Variants in KIRREL3 observed in about 807,000 individuals in gnomAD.
KIRREL3 encodes the protein kirre like nephrin family adhesion molecule 3, also known as kin of IRRE-like protein 3.
In KIRREL3, 36 loss-of-function variants were observed where a neutral mutation model predicts 89.7. That is an observed-to-expected ratio of 0.40 (90% CI 0.31 to 0.53). KIRREL3 has a LOEUF of 0.53. Ranked by LOEUF, KIRREL3 falls within the 20% of genes least tolerant of loss-of-function variation. The pLI is 0.49. For missense variants in KIRREL3, 864 were observed against 1,056.6 expected (o/e 0.82, Z 2.53); for synonymous variants, 445 against 441.4 (o/e 1.01, Z -0.10).
intron 4 of KIRREL3, among the ~76,000 whole-genome samples, chr11:126,494,056 T>A (rs933129460): frequency 2.0e-5 from 3 of 152,160 alleles, no homozygotes; most frequent in Non-Finnish European, 4.4e-5. Flanking sequence ...TCAGAATGAA[T>A]GTAAAAATAT....
rs1170433385 is a variant in KIRREL3, at chr11:126,883,904, G to C, written c.55+116551C>G. Among the ~76,000 whole-genome samples the C allele has an allele frequency of 6.6e-6, 1 of 152,182 alleles. No individual in the cohort carries two copies. Among genetic ancestry groups the C allele is most frequent in the African/African-American group, 2.4e-5 (1 of 41,448 alleles). On this transcript the variant is annotated intron_variant, in intron 1 of 16. Coordinates refer to ENST00000525144, the MANE Select transcript of KIRREL3 (RefSeq NM_032531.4). The surrounding 1 kb of genome is among the most constrained non-coding windows in gnomAD (Gnocchi z 4.1). Reference sequence around the variant, plus strand: ...GACATAGGTTTTGAATCGATACAAAGAACTTTCTGATCACTGGAGCAGTTC... The same window carrying C: ...GACATAGGTTTTGAATCGATACAAACAACTTTCTGATCACTGGAGCAGTTC...
At chr11:126,661,090 A>G (rs2135014131) in intron 1 of KIRREL3, among the ~76,000 whole-genome samples, 1 of 152,346 alleles carries the variant, frequency 6.6e-6, no homozygotes, top group East Asian at 1.9e-4. Flanking sequence ...TAGATCTTAA[A>G]ACCAAAACAT....
intron 1 of KIRREL3, among the ~76,000 whole-genome samples, chr11:126,963,970 G>A (rs550224819): frequency 7.9e-4 from 120 of 152,218 alleles, no homozygotes; most frequent in African/African-American, 2.8e-3. Context: ...GCGAGGGGAG[G>A]TACAGAAAAA....
At position 126,999,653 on chromosome 11, in the gene KIRREL3, T is replaced by C. The variant is rs1161949296; in HGVS notation, c.55+802A>G. Among the ~76,000 whole-genome samples the C allele has an allele frequency of 6.6e-6, 1 of 152,152 alleles. No homozygotes were observed. The highest frequency in any genetic ancestry group is 2.4e-5 in the African/African-American group (1 of 41,444). On this transcript the variant is annotated intron_variant, in intron 1 of 16. Transcript: ENST00000525144. The surrounding 1 kb of genome is among the most constrained non-coding windows in gnomAD (Gnocchi z 5.7). ...TTGATGCCTTTGGCCAACTAGGCAC[T>C]CACATTCCCTCTCCCGAATTTCCCT...
rs1170915293 is a variant in KIRREL3, at chr11:126,484,221, T to C, written c.434-10755A>G. ...TGGTCCTCACCACATCTCTATTGCA[T>C]TGACTTGTGGACCTGTTTCAGGTTC... On this transcript the variant is annotated intron_variant, in intron 4 of 16. Transcript: ENST00000525144. The surrounding 1 kb of genome is among the most constrained non-coding windows in gnomAD (Gnocchi z 5.2). Among the ~76,000 whole-genome samples the C allele has an allele frequency of 1.3e-5, 2 of 152,176 alleles. No individual in the cohort carries two copies. Among genetic ancestry groups the C allele is most frequent in the African/African-American group, 4.8e-5 (2 of 41,434 alleles).
rs1937731301 is a variant in KIRREL3 at position 126,535,004 on chromosome 11, G to A, written c.134-8317C>T. Among the ~76,000 whole-genome samples, 1 of 152,168 alleles carries A rather than the reference G, an allele frequency of 6.6e-6. No homozygotes were observed. The highest frequency in any genetic ancestry group is 2.1e-4 in the South Asian group (1 of 4,830). On this transcript the variant is annotated intron_variant, in intron 2 of 16. Coordinates refer to ENST00000525144, the MANE Select transcript of KIRREL3 (RefSeq NM_032531.4). This position sits in a 1 kb window ranked among gnomAD's most constrained non-coding sequence, Gnocchi z 4.5. ...GTGAGTGGCTGGTGGGAGGAAGTGT[G>A]GAGGTGGCAGCAGCAGTGACAGGTG...
chr11:126,987,916 C>A lies in KIRREL3; in HGVS notation c.55+12539G>T, dbSNP rs1316624102. 1.3e-5 allele frequency among the ~76,000 whole-genome samples: 2 copies of A among 152,178 alleles called. No individual in the cohort carries two copies. The highest frequency in any genetic ancestry group is 2.9e-5 in the Non-Finnish European group (2 of 68,030). On this transcript the variant is annotated intron_variant, in intron 1 of 16. Coordinates refer to ENST00000525144, the MANE Select transcript of KIRREL3 (RefSeq NM_032531.4). This position sits in a 1 kb window ranked among gnomAD's most constrained non-coding sequence, Gnocchi z 4.6. The stretch of plus-strand genomic sequence containing the variant: ...TCTGACACAAGGTAAGTTGTACCAG[C>A]CGAGACCAAAGTGAAAAGAATCATA...
chr11:126,876,614 T>C lies in KIRREL3; in HGVS notation c.55+123841A>G, dbSNP rs1945296711. Among the ~76,000 whole-genome samples, 1 of 151,060 alleles carries C rather than the reference T, an allele frequency of 6.6e-6. No individual in the cohort carries two copies. The highest frequency in any genetic ancestry group is 1.5e-5 in the Non-Finnish European group (1 of 67,870). ...GTGCAGCGGTGCGACCTTGGCCCAC[T>C]GCAACCTCCACCTCCAGGGTTCAAG... On this transcript the variant is annotated intron_variant, in intron 1 of 16. Transcript: ENST00000525144. This position sits in a 1 kb window ranked among gnomAD's most constrained non-coding sequence, Gnocchi z 4.1.
At chr11:126,451,285 CGT>C (rs1413722994) in intron 7 of KIRREL3, among the ~76,000 whole-genome samples, 3 of 110,546 alleles carry the variant, frequency 2.7e-5, no homozygotes, top group African/African-American at 7.2e-5. Context: ...TGCATGTGTG[CGT>C]GTGTGCATGT....
chr11:126,875,287 C>T (rs545266296), intron 1 of KIRREL3, among the ~76,000 whole-genome samples: 3 of 152,254 alleles, frequency 2.0e-5, no homozygotes, highest in East Asian at 3.9e-4. Flanking sequence ...AGAGACCCCC[C>T]AGAAACCACT....
chr11:126,822,383 T>C (rs960357641), intron 1 of KIRREL3, among the ~76,000 whole-genome samples: 1 of 152,234 alleles, frequency 6.6e-6, no homozygotes, highest in African/African-American at 2.4e-5. Flanking sequence ...GTGAGTGCTC[T>C]AGAACTTCTA....
Position 126,521,198 on chromosome 11 carries a change from C to T in KIRREL3, c.433+117G>A. ...TGTGGAAGCAGCAGTGTCTGGAGCC[C>T]TGTGGGATGATCCCCAGAGGGGAGT... On this transcript the variant is annotated intron_variant, in intron 4 of 16. Coordinates refer to ENST00000525144, the MANE Select transcript of KIRREL3 (RefSeq NM_032531.4). This position sits in a 1 kb window ranked among gnomAD's most constrained non-coding sequence, Gnocchi z 4.1. 1 of 1,134,676 alleles carries T rather than the reference C, an allele frequency of 8.8e-7. No homozygotes were observed. Among genetic ancestry groups the T allele is most frequent in the Non-Finnish European group, 1.2e-6 (1 of 841,836 alleles). 70.3% of individuals were successfully genotyped at this position (1,134,676 alleles called of 1,614,324 possible).
Position 126,594,224 on chromosome 11 carries a change from G to C in KIRREL3, c.56-31312C>G, listed in dbSNP as rs1942282770. 6.6e-6 allele frequency among the ~76,000 whole-genome samples: 1 copy of C among 152,120 alleles called. No individual in the cohort carries two copies. Among genetic ancestry groups the C allele is most frequent in the Non-Finnish European group, 1.5e-5 (1 of 68,022 alleles). On this transcript the variant is annotated intron_variant, in intron 1 of 16. Coordinates refer to ENST00000525144, the MANE Select transcript of KIRREL3 (RefSeq NM_032531.4). The surrounding 1 kb of genome is among the most constrained non-coding windows in gnomAD (Gnocchi z 5.0). ...CAGAAGAGGAAGGGAGGGAAGGATG[G>C]AGGAGCTGGTGAAAACTAACAGTAA...
At chr11:126,577,765 TAA>T (rs371522742) in intron 1 of KIRREL3, among the ~76,000 whole-genome samples, 3 of 142,458 alleles carry the variant, frequency 2.1e-5, no homozygotes, top group African/African-American at 2.6e-5. Context: ...CTGTCTCAAT[TAA>T]AAAAAAAAAA....
chr11:126,572,486 G>A (rs1031997063), intron 1 of KIRREL3, among the ~76,000 whole-genome samples: 12 of 152,182 alleles, frequency 7.9e-5, no homozygotes, highest in Non-Finnish European at 1.2e-4. Flanking sequence ...CAGAGCCCAG[G>A]CTTGCTGTGC....
Position 126,640,064 on chromosome 11 carries a change from G to T in KIRREL3, c.56-77152C>A, listed in dbSNP as rs1053379513. 2.0e-5 allele frequency among the ~76,000 whole-genome samples: 3 copies of T among 152,150 alleles called. No homozygotes were observed. The highest frequency in any genetic ancestry group is 7.2e-5 in the African/African-American group (3 of 41,420). ...GTGACAATGAATATGAAATGAACGT[G>T]CCCAGAGAAGACAATTAATCTCCCA... On this transcript the variant is annotated intron_variant, in intron 1 of 16. Coordinates refer to ENST00000525144, the MANE Select transcript of KIRREL3 (RefSeq NM_032531.4). This position sits in a 1 kb window ranked among gnomAD's most constrained non-coding sequence, Gnocchi z 4.9.
At chr11:126,439,937 G>A (rs1955497525) in intron 11 of KIRREL3, among the ~76,000 whole-genome samples, 1 of 152,084 alleles carries the variant, frequency 6.6e-6, no homozygotes, top group Non-Finnish European at 1.5e-5. Context: ...GCAGGGATAA[G>A]TTCTTTGAGG....
In KIRREL3 at chr11:126,863,453, GTT is replaced by G. The variant is rs753471488; in HGVS notation, c.55+137000_55+137001del. On this transcript the variant is annotated intron_variant, in intron 1 of 16. Transcript: ENST00000525144. ...TGTGAGTGCGTGTGTGAGTGTGTGT[GTT>G]TGAGTGCGTGTGTGTGTGAGTGCGT... 2.0e-3 allele frequency among the ~76,000 whole-genome samples: 116 copies of G among 59,210 alleles called. 2 individuals carry two copies. In the East Asian group the frequency reaches 0.1, roughly 51 times the overall value. 38.8% of individuals were successfully genotyped at this position (59,210 alleles called of 152,430 possible). A position where few individuals can be genotyped will look rare whatever the true frequency, so the allele number is the denominator to read the frequency against.
At chr11:126,927,611 G>A (rs964254755) in intron 1 of KIRREL3, among the ~76,000 whole-genome samples, 15 of 152,164 alleles carry the variant, frequency 9.9e-5, no homozygotes, top group African/African-American at 2.9e-4. Context: ...TAGAAATGTG[G>A]CTTTTTACTA....
Sources: gnomAD v4.1 joint callset for allele counts (sites outside exome capture counted in the v4.1 genomes callset) on GRCh38, gnomAD v4.1.1 for gene constraint, Gnocchi (gnomAD v3.1) non-coding constraint, MANE v1.5 for transcripts, NCBI Gene and HGNC (gene_info 2026-07-23, HGNC 2026-07-21) for gene names.